The following KANSL1 variants were observed in gnomAD, a reference collection of about 807,000 sequenced individuals.
KANSL1 encodes the protein MLL1/MLL complex subunit KANSL1.
KANSL1 carries 22 observed loss-of-function variants against 103.6 expected under a neutral mutation model. That is an observed-to-expected ratio of 0.21 (90% CI 0.15 to 0.30). The LOEUF (loss-of-function observed/expected upper bound fraction) is 0.30. KANSL1 is among the 10% of genes least tolerant of loss of function. KANSL1 has a pLI of 1.00. For missense variants in KANSL1, 1,337 were observed against 1,399.8 expected (o/e 0.96, Z 0.72); for synonymous variants, 600 against 527.6 (o/e 1.14, Z -1.88).
At chr17:46,086,696 G>C (rs1208383693) in intron 3 of KANSL1, among the ~76,000 whole-genome samples, 2 of 152,198 alleles carry the variant, frequency 1.3e-5, no homozygotes, top group African/African-American at 2.4e-5. Context: ...GCTCATGCCT[G>C]TAATTCCAGC....
intron 6 of KANSL1, among the ~76,000 whole-genome samples, chr17:46,062,017 G>A (rs1598513013): frequency 1.3e-5 from 2 of 149,846 alleles, no homozygotes; most frequent in South Asian, 2.1e-4. Context: ...GCTTGAACCC[G>A]GGAGGCGGAG....
At chr17:46,137,765 G>A (rs1213685729) in intron 2 of KANSL1, among the ~76,000 whole-genome samples, 1 of 151,882 alleles carries the variant, frequency 6.6e-6, no homozygotes. Context: ...TACTCAGGAG[G>A]CTGAGGCAGG....
At chr17:46,041,916 T>TGTGTGTA (rs2077338121) in intron 7 of KANSL1, 1 of 80,736 alleles carries the variant, frequency 1.2e-5, no homozygotes, top group African/African-American at 4.9e-5. Context: ...GTGTGTATAT[T>TGTGTGTA]TTTTTTTTTT....
At position 46,039,223 on chromosome 17, in the gene KANSL1, G is replaced by C. The variant is rs2077241144; in HGVS notation, c.2204-8C>G. 6.4e-7 allele frequency: 1 copy of C among 1,551,124 alleles called. No individual in the cohort carries two copies. Among genetic ancestry groups the C allele is most frequent in the Admixed American group, 2.3e-5 (1 of 43,828 alleles). ...TTTGGTGATGGGACAGCTCTGAAGA[G>C]GGGAACAGAAAAAGAGCTGTGAAAT... On this transcript the variant is annotated splice_region_variant and splice_polypyrimidine_tract_variant and intron_variant, in intron 8 of 14. Transcript: ENST00000432791.
intron 9 of KANSL1, 71 bp from the exon 10 acceptor site, chr17:46,038,757 G>A: frequency 6.3e-7 from 1 of 1,585,618 alleles, no homozygotes; most frequent in Non-Finnish European, 8.6e-7. Flanking sequence ...CACAAGCTTG[G>A]AATGGCAGCA....
rs1285490691 is a variant in KANSL1 at position 46,221,097 on chromosome 17, T to C, written c.-90+2574A>G. 3 of 152,054 alleles carry C rather than the reference T, an allele frequency of 2.0e-5. No homozygotes were observed. The East Asian group carries it at 5.8e-4, about 29-fold the overall frequency. The allele number at this position is 152,054 out of a possible 1,614,324, so 9.4% of individuals were successfully genotyped here. A position where few individuals can be genotyped will look rare whatever the true frequency, so the allele number is the denominator to read the frequency against. On this transcript the variant is annotated intron_variant, in intron 1 of 14. Coordinates refer to the KANSL1 transcript ENST00000572904. ...AAAGGGTATCAAATCATACATACTG[T>C]TCTGCATCTTGCTTTCATCACTTAA...
At chr17:46,102,470 G>A (rs1264369699) in intron 2 of KANSL1, among the ~76,000 whole-genome samples, 3 of 151,978 alleles carry the variant, frequency 2.0e-5, no homozygotes, top group Non-Finnish European at 4.4e-5. Context: ...GGCTGGTCTC[G>A]AACTCCTGAC....
At chr17:46,038,409 G>T (rs1479026539) in intron 10 of KANSL1, 129 bp downstream of exon 10, 4 of 960,956 alleles carry the variant, frequency 4.2e-6, no homozygotes, top group Non-Finnish European at 6.2e-6. Context: ...ACATACATAT[G>T]TCATGATGAG....
chr17:46,131,528 G>A (rs1287736186), intron 2 of KANSL1, among the ~76,000 whole-genome samples: 1 of 152,200 alleles, frequency 6.6e-6, no homozygotes, highest in Non-Finnish European at 1.5e-5. Flanking sequence ...AAACCTGAGT[G>A]CCTACTGTGA....
At chr17:46,085,099 A>C (rs1249781143) in intron 3 of KANSL1, among the ~76,000 whole-genome samples, 1 of 152,092 alleles carries the variant, frequency 6.6e-6, no homozygotes, top group Non-Finnish European at 1.5e-5. Context: ...ACTTTCCCCA[A>C]ATATTTGTTA....
chr17:46,137,274 T>C (rs527592538), intron 2 of KANSL1, among the ~76,000 whole-genome samples: 2 of 152,374 alleles, frequency 1.3e-5, no homozygotes, highest in East Asian at 3.9e-4. Context: ...TAATACTTCA[T>C]GCTAAAGCAT....
chr17:46,097,937 T>A lies in KANSL1; in HGVS notation c.1290-3236A>T, dbSNP rs2042153325. 2.0e-5 allele frequency among the ~76,000 whole-genome samples: 3 copies of A among 149,770 alleles called. No homozygotes were observed. The South Asian group carries it at 6.2e-4, about 31-fold the overall frequency. On this transcript the variant is annotated intron_variant, in intron 2 of 14. Coordinates refer to ENST00000432791, the MANE Select transcript of KANSL1 (RefSeq NM_015443.4). The stretch of plus-strand genomic sequence containing the variant: ...TTTTAACTTTTGTATGGACCAAACA[T>A]AAACCATTCAAACCAACCACTGTGA...
chr17:46,142,653 T>C (rs1322437155), intron 2 of KANSL1, among the ~76,000 whole-genome samples: 1 of 152,230 alleles, frequency 6.6e-6, no homozygotes, highest in African/African-American at 2.4e-5. Flanking sequence ...TATGAGAATG[T>C]TCAACTTCAC....
intron 6 of KANSL1, among the ~76,000 whole-genome samples, chr17:46,055,870 T>TA (rs1307028195): frequency 6.6e-6 from 1 of 152,018 alleles, no homozygotes; most frequent in Non-Finnish European, 1.5e-5. Flanking sequence ...TAAATCAGTT[T>TA]AAAAAAACAA....
chr17:46,200,653 A>C (rs2047770153), intron 1 of KANSL1, among the ~76,000 whole-genome samples: 1 of 152,170 alleles, frequency 6.6e-6, no homozygotes, highest in Non-Finnish European at 1.5e-5. Context: ...GAGGCAGCAG[A>C]ATGGCATGAA....
chr17:46,052,822 C>G (rs1234415229), intron 6 of KANSL1, among the ~76,000 whole-genome samples: 4 of 145,118 alleles, frequency 2.8e-5, no homozygotes, highest in Admixed American at 6.9e-5. Context: ...AAATTTAGCC[C>G]AGCATGGTAT....
upstream of KANSL1, among the ~76,000 whole-genome samples, chr17:46,225,083 C>T (rs1169746526): frequency 1.3e-5 from 2 of 151,684 alleles, no homozygotes; most frequent in African/African-American, 4.8e-5. Context: ...AGCCGGCGTC[C>T]CAGGCCTACG....
At chr17:46,120,760 A>G (rs1289474422) in intron 2 of KANSL1, among the ~76,000 whole-genome samples, 1 of 152,324 alleles carries the variant, frequency 6.6e-6, no homozygotes, top group South Asian at 2.1e-4. Context: ...CTTATTAACC[A>G]AAGTCCATTT....
At chr17:46,098,853 T>C (rs2042188324) in intron 2 of KANSL1, among the ~76,000 whole-genome samples, 1 of 152,230 alleles carries the variant, frequency 6.6e-6, no homozygotes, top group African/African-American at 2.4e-5. Context: ...GTCCAAGAAG[T>C]ATCTTGTGTT....
Sources: allele counts gnomAD v4.1 joint callset (sites outside exome capture counted in the v4.1 genomes callset), GRCh38; gene constraint gnomAD v4.1.1; transcripts MANE v1.5; gene names NCBI Gene and HGNC (gene_info 2026-07-23, HGNC 2026-07-21).